The following ADCK5 variants were observed in gnomAD, a reference collection of about 807,000 sequenced individuals.
ADCK5 encodes the protein aarF domain containing kinase 5.
Under a neutral mutation model 64.9 loss-of-function variants are expected in ADCK5, and 43 were observed. The observed-to-expected ratio is 0.66, with a 90% CI of 0.52 to 0.85. The LOEUF (loss-of-function observed/expected upper bound fraction) is 0.85, where lower values mean the gene tolerates loss of function less well. Ranked by LOEUF, ADCK5 falls within the 40% of genes least tolerant of loss-of-function variation. The probability of loss-of-function intolerance (pLI) is 0.00; values close to 1 mark genes in which losing one functional copy is unlikely to be tolerated. For missense variants in ADCK5, 760 were observed against 810.5 expected, an observed-to-expected ratio of 0.94 and a Z score of 0.76; for synonymous variants, 434 against 342.8, an observed-to-expected ratio of 1.27 and a Z score of -2.94.
At chr8:144,388,062 C>A (rs555312014) in intron 3 of ADCK5, among the ~76,000 whole-genome samples, 1 of 152,036 alleles carries the variant, frequency 6.6e-6, no homozygotes, top group Non-Finnish European at 1.5e-5. Flanking sequence ...TTCAAACATA[C>A]AGCAATGTTG....
chr8:144,375,541 C>A (rs557155113), intron 1 of ADCK5: 1 of 985,456 alleles, frequency 1.0e-6, no homozygotes, highest in African/African-American at 1.7e-5. Context: ...GCTGCATCCT[C>A]CTCATCTGCA....
rs201116950 is a variant in ADCK5, at chr8:144,374,091, C to G, written c.-5C>G. On this transcript the variant is annotated 5_prime_UTR_variant, in exon 1 of 15. Coordinates refer to ENST00000308860, the MANE Select transcript of ADCK5 (RefSeq NM_174922.5). Reference sequence around the variant, plus strand: ...GGCGGGAGAAGAGCGGAGCAGTGGTCGGAGATGTGGCGACCGGTGAGGACT... The same window carrying G: ...GGCGGGAGAAGAGCGGAGCAGTGGTGGGAGATGTGGCGACCGGTGAGGACT... The G allele has an allele frequency of 1.6e-6, 2 of 1,248,168 alleles. No individual in the cohort carries two copies. Among genetic ancestry groups the G allele is most frequent in the African/African-American group, 1.5e-5 (1 of 64,548 alleles). 77.3% of individuals were successfully genotyped at this position (1,248,168 alleles called of 1,614,324 possible). A position where few individuals can be genotyped will look rare whatever the true frequency, so the allele number is the denominator to read the frequency against.
upstream of ADCK5, chr8:144,373,938 C>A (rs1261680219): frequency 7.0e-6 from 6 of 857,864 alleles, no homozygotes; most frequent in Non-Finnish European, 9.2e-6. Flanking sequence ...GCCGCGGAGG[C>A]CGGCACGACT....
At chr8:144,373,140 G>T (rs1819215886), upstream of ADCK5, 1 of 152,526 alleles carries the variant, frequency 6.6e-6, no homozygotes, top group African/African-American at 2.4e-5. Flanking sequence ...AGCCCTCGTG[G>T]ATTCCACAAG....
Position 144,390,909 on chromosome 8 carries a change from T to C in ADCK5, c.396T>C (p.Asp132=). ...VMSACHQRAA[D]ALVAGAISNG... ...CTGCGTGTCACCAGCGGGCGGCTGATGCCCTGGTGGCAGGGGCCATCAGCA... is the reference window on the plus strand; with the variant it reads ...CTGCGTGTCACCAGCGGGCGGCTGACGCCCTGGTGGCAGGGGCCATCAGCA... The change falls in exon 5 of 15, where the codon GAT becomes GAC. Residue 132 remains aspartate (D), a synonymous_variant. Coordinates refer to ENST00000308860, the MANE Select transcript of ADCK5 (RefSeq NM_174922.5). 3 of 1,612,902 alleles carry C rather than the reference T, an allele frequency of 1.9e-6. No individual in the cohort carries two copies. Among genetic ancestry groups the C allele is most frequent in the Non-Finnish European group, 1.7e-6 (2 of 1,179,964 alleles).
chr8:144,381,459 G>C (rs1441294155), intron 2 of ADCK5, among the ~76,000 whole-genome samples: 9 of 126,958 alleles, frequency 7.1e-5, no homozygotes, highest in Non-Finnish European at 1.1e-4. Context: ...GGCACCTGCC[G>C]CACTCAGGAT....
intron 1 of ADCK5, among the ~76,000 whole-genome samples, chr8:144,375,233 C>T (rs1554856901): frequency 6.6e-6 from 1 of 152,046 alleles, no homozygotes; most frequent in African/African-American, 2.4e-5. Context: ...TGCTCATGGC[C>T]AGTGAGCAGG....
At position 144,392,835 on chromosome 8, in the gene ADCK5, G is replaced by A. The variant is rs543568834; in HGVS notation, c.1580G>A (p.Ser527Asn). The change falls in exon 14 of 15, where the codon AGC becomes AAC. Residue 527 changes from serine to asparagine, a missense_variant. Coordinates refer to ENST00000308860, the MANE Select transcript of ADCK5 (RefSeq NM_174922.5). The part of the protein sequence containing the change: ...GATYRGVYGT[S>N]LLRHAKVVWE... ...ACGTATCGGGGTGTCTACGGCACCA[G>A]CCTCCTGCGCCACGCCAAGGTCGTC... 2.5e-4 allele frequency: 397 copies of A among 1,592,544 alleles called. 2 individuals carry two copies. The South Asian group carries it at 4.1e-3, about 17-fold the overall frequency.
rs782339355 is a variant in ADCK5, at chr8:144,375,626, C to T, written c.12+1519C>T. 57 of 985,468 alleles carry T rather than the reference C, an allele frequency of 5.8e-5. No homozygotes were observed. In the Middle Eastern group the frequency reaches 1.6e-3, roughly 27 times the overall value. 61.0% of individuals were successfully genotyped at this position (985,468 alleles called of 1,614,324 possible). ...AAGCACGCCCTTTGGTTGTGAACTT[C>T]ATGATACCTGTGTGAGTGTTACCAC... On this transcript the variant is annotated intron_variant, in intron 1 of 14. Coordinates refer to ENST00000308860, the MANE Select transcript of ADCK5 (RefSeq NM_174922.5).
Position 144,393,165 on chromosome 8 carries a change from G to A in ADCK5, c.*91G>A. 2 of 1,368,654 alleles carry A rather than the reference G, an allele frequency of 1.5e-6. No homozygotes were observed. Among genetic ancestry groups the A allele is most frequent in the South Asian group, 1.5e-5 (1 of 67,510 alleles). 84.8% of individuals were successfully genotyped at this position (1,368,654 alleles called of 1,614,324 possible). On this transcript the variant is annotated 3_prime_UTR_variant, in exon 15 of 15. Coordinates refer to ENST00000308860, the MANE Select transcript of ADCK5 (RefSeq NM_174922.5). ...GGTGTAGACACCCCGAGCCCCGTGG[G>A]CACTCGCACTGGGGGGCTGTGACAG... is the stretch of plus-strand genomic sequence containing the variant.
rs539772134 is a variant in ADCK5 at position 144,384,059 on chromosome 8, ATTATTTATTTAT to A, written c.266+845_266+856del. On this transcript the variant is annotated intron_variant, in intron 3 of 14. Transcript: ENST00000308860. The surrounding 1 kb of genome is among the most constrained non-coding windows in gnomAD (Gnocchi z 5.7). ...GGTGCCCACCACCATGCCTGGCTAAATTATTTATTTATTTATTTATTTATTTAGTATTTTTAG... is the reference window on the plus strand; with the variant it reads ...GGTGCCCACCACCATGCCTGGCTAAATTATTTATTTATTTAGTATTTTTAG... 7.9e-5 allele frequency among the ~76,000 whole-genome samples: 12 copies of A among 151,330 alleles called. No homozygotes were observed. Among genetic ancestry groups the A allele is most frequent in the Non-Finnish European group, 1.5e-4 (10 of 67,874 alleles).
In ADCK5 at chr8:144,384,132, C is replaced by T. The variant is rs1819803302; in HGVS notation, c.266+902C>T. ...GTTTCACTGTGTTAGCCAGGATGGT[C>T]TCGATCTCCTGACCTCGTGATCCAC... On this transcript the variant is annotated intron_variant, in intron 3 of 14. Transcript: ENST00000308860. The surrounding 1 kb of genome is among the most constrained non-coding windows in gnomAD (Gnocchi z 5.7). Among the ~76,000 whole-genome samples the T allele has an allele frequency of 6.6e-6, 1 of 151,922 alleles. No homozygotes were observed. Among genetic ancestry groups the T allele is most frequent in the Non-Finnish European group, 1.5e-5 (1 of 67,992 alleles).
At position 144,383,153 on chromosome 8, in the gene ADCK5, A is replaced by G. The variant is rs1403108123; in HGVS notation, c.189A>G (p.Gly63=). ...TAGTGGGGGCGCCCCTGCTCCTCGG[A>G]GCCCGCTATGTCATGGCAGAGGCAC... The part of the protein sequence containing the change: ...TAVVGAPLLL[G]ARYVMAEARE... The change falls in exon 3 of 15, where the codon GGA becomes GGG. Residue 63 remains glycine, a synonymous_variant. Coordinates refer to ENST00000308860, the MANE Select transcript of ADCK5 (RefSeq NM_174922.5). 1.0e-5 allele frequency: 16 copies of G among 1,595,726 alleles called. No homozygotes were observed. The highest frequency in any genetic ancestry group is 1.3e-5 in the African/African-American group (1 of 74,708).
rs782232920 is a variant in ADCK5 at position 144,376,865 on chromosome 8, G to A, written c.13-2522G>A. Among the ~76,000 whole-genome samples the A allele has an allele frequency of 1.1e-4, 17 of 152,254 alleles. No homozygotes were observed. The highest frequency in any genetic ancestry group is 1.9e-4 in the Non-Finnish European group (13 of 68,038). ...CCCGCCTACGAGTCGCTGCCCGGCT[G>A]CCTTGGGTTTTCCTTGTGAATCAGC... On this transcript the variant is annotated intron_variant, in intron 1 of 14. Transcript: ENST00000308860. This position sits in a 1 kb window ranked among gnomAD's most constrained non-coding sequence, Gnocchi z 5.1.
At chr8:144,379,636 G>T in intron 2 of ADCK5, 146 bp downstream of exon 2, 1 of 665,890 alleles carries the variant, frequency 1.5e-6, no homozygotes, top group Non-Finnish European at 2.4e-6. Flanking sequence ...TCCTCAGTGC[G>T]GTGCACTGGG....
At chr8:144,392,919 G>A in intron 14 of ADCK5, 27 bp downstream of exon 14, 2 of 1,592,546 alleles carry the variant, frequency 1.3e-6, no homozygotes. Flanking sequence ...CAGGTGGGTG[G>A]CGGGGGCCTG....
Position 144,384,149 on chromosome 8 carries a change from G to A in ADCK5, c.266+919G>A, listed in dbSNP as rs1260250754. ...AGGATGGTCTCGATCTCCTGACCTCGTGATCCACCCGCCTCGGCCTCCCAA... is the reference window on the plus strand; with the variant it reads ...AGGATGGTCTCGATCTCCTGACCTCATGATCCACCCGCCTCGGCCTCCCAA... On this transcript the variant is annotated intron_variant, in intron 3 of 14. Coordinates refer to ENST00000308860, the MANE Select transcript of ADCK5 (RefSeq NM_174922.5). This position sits in a 1 kb window ranked among gnomAD's most constrained non-coding sequence, Gnocchi z 5.7. Among the ~76,000 whole-genome samples the A allele has an allele frequency of 3.3e-5, 5 of 151,912 alleles. No homozygotes were observed. The highest frequency in any genetic ancestry group is 5.9e-5 in the Non-Finnish European group (4 of 67,980).
In ADCK5 at chr8:144,391,038, C is replaced by T. The variant is rs930798308; in HGVS notation, c.525C>T (p.Leu175=). Residue 175 remains leucine (L), a synonymous_variant, in exon 5 of 15, where the codon CTC becomes CTT. Coordinates refer to ENST00000308860, the MANE Select transcript of ADCK5 (RefSeq NM_174922.5). ...RTLRVLEDRA[L]KRGFQEVDEL... ...TGCGCGTGCTAGAGGACAGGGCCCT[C>T]AAGCGGGGCTTCCAGGAGGTGAGTG... is the stretch of plus-strand genomic sequence containing the variant. The T allele has an allele frequency of 2.7e-5, 43 of 1,612,528 alleles. No individual in the cohort carries two copies. The highest frequency in any genetic ancestry group is 3.4e-5 in the Non-Finnish European group (40 of 1,180,010).
At chr8:144,387,385 C>T (rs1819970250) in intron 3 of ADCK5, among the ~76,000 whole-genome samples, 1 of 152,124 alleles carries the variant, frequency 6.6e-6, no homozygotes, top group Non-Finnish European at 1.5e-5. Context: ...ACTGCTCCTC[C>T]ACCCAGCAGT....
Sources: allele counts gnomAD v4.1 joint callset (sites outside exome capture counted in the v4.1 genomes callset), GRCh38; gene constraint gnomAD v4.1.1; non-coding constraint Gnocchi (gnomAD v3.1); transcripts MANE v1.5; gene names NCBI Gene and HGNC (gene_info 2026-07-23, HGNC 2026-07-21).